Variants in MYO3B observed in about 807,000 individuals in gnomAD.
The protein encoded by MYO3B is myosin-IIIb.
Under a neutral mutation model 174.6 loss-of-function variants are expected in MYO3B, and 156 were observed. That is an observed-to-expected ratio of 0.89 (90% CI 0.78 to 1.02). The LOEUF (loss-of-function observed/expected upper bound fraction) is 1.02, where lower values mean the gene tolerates loss of function less well. Among genes scored for constraint, MYO3B ranks in the 50% least tolerant of loss-of-function variants. The pLI is 0.00. For synonymous variants in MYO3B, 563 were observed against 569.1 expected (o/e 0.99, Z 0.15); for missense variants, 1,632 against 1,639.4 (o/e 1.00, Z 0.08).
At chr2:170,329,251 G>T (rs911229303) in intron 7 of MYO3B, among the ~76,000 whole-genome samples, 8 of 148,542 alleles carry the variant, frequency 5.4e-5, no homozygotes, top group African/African-American at 2.0e-4. Context: ...GTGTGTGTGT[G>T]TGTGTGTGTA....
intron 7 of MYO3B, among the ~76,000 whole-genome samples, chr2:170,271,103 C>T (rs770441407): frequency 6.6e-6 from 1 of 152,128 alleles, no homozygotes; most frequent in Non-Finnish European, 1.5e-5. Context: ...TTGGAAGTCA[C>T]ATGCAGGTTT....
intron 32 of MYO3B, among the ~76,000 whole-genome samples, chr2:170,599,769 C>A (rs979432806): frequency 2.6e-5 from 4 of 152,030 alleles, no homozygotes; most frequent in African/African-American, 7.2e-5. Context: ...AAAAAAAGTT[C>A]TTTTTGATGT....
intron 30 of MYO3B, chr2:170,519,812 A>G (rs1308436046): frequency 6.7e-6 from 2 of 296,564 alleles, no homozygotes; most frequent in Admixed American, 4.7e-5. Context: ...GCCTCTACTA[A>G]AAATACAAAA....
chr2:170,583,134 G>C (rs1693262216), intron 32 of MYO3B, among the ~76,000 whole-genome samples: 1 of 147,028 alleles, frequency 6.8e-6, no homozygotes, highest in African/African-American at 2.5e-5. Context: ...GATTATTTGA[G>C]TGTATTTATG....
At chr2:170,330,448 T>G (rs2093903944) in intron 7 of MYO3B, among the ~76,000 whole-genome samples, 1 of 152,230 alleles carries the variant, frequency 6.6e-6, no homozygotes, top group Non-Finnish European at 1.5e-5. Context: ...TGCTGAAAGT[T>G]TTTTAGAAAA....
intron 7 of MYO3B, among the ~76,000 whole-genome samples, chr2:170,325,012 C>G (rs1404666587): frequency 7.2e-5 from 11 of 152,104 alleles, no homozygotes; most frequent in Non-Finnish European, 2.9e-5. Flanking sequence ...ATAGTGATAG[C>G]CTTTCCACTG....
intron 8 of MYO3B, chr2:170,340,262 A>G (rs1036602780): frequency 1.3e-5 from 2 of 152,130 alleles, no homozygotes; most frequent in Non-Finnish European, 1.5e-5. Context: ...GGACCTCATC[A>G]TCAGTGGTCC....
At chr2:170,508,765 C>T (rs1316432232) in intron 28 of MYO3B, among the ~76,000 whole-genome samples, 1 of 152,152 alleles carries the variant, frequency 6.6e-6, no homozygotes, top group African/African-American at 2.4e-5. Context: ...TAGAGTCAAA[C>T]AATGAATGTT....
chr2:170,232,292 G>C (rs1404578880), intron 6 of MYO3B, among the ~76,000 whole-genome samples: 1 of 152,166 alleles, frequency 6.6e-6, no homozygotes, highest in Non-Finnish European at 1.5e-5. Context: ...TCAGACTTTG[G>C]TATTGGATTG....
At chr2:170,352,772 C>A (rs536707498) in intron 8 of MYO3B, among the ~76,000 whole-genome samples, 1 of 152,294 alleles carries the variant, frequency 6.6e-6, no homozygotes, top group East Asian at 1.9e-4. Context: ...CTATTGTTTA[C>A]TCGTTTGGGA....
At chr2:170,346,194 G>A (rs1226475439) in intron 8 of MYO3B, 1 of 152,176 alleles carries the variant, frequency 6.6e-6, no homozygotes, top group African/African-American at 2.4e-5. Context: ...ATATTGTAGA[G>A]CAAGCTTGTC....
intron 7 of MYO3B, among the ~76,000 whole-genome samples, chr2:170,329,163 A>T (rs945098828): frequency 2.0e-5 from 3 of 151,810 alleles, no homozygotes; most frequent in Non-Finnish European, 4.4e-5. Flanking sequence ...AAAAAAAAAA[A>T]TACTACTACT....
chr2:170,546,679 A>T (rs867801927), intron 32 of MYO3B, among the ~76,000 whole-genome samples: 4 of 152,236 alleles, frequency 2.6e-5, no homozygotes, highest in South Asian at 2.1e-4. Flanking sequence ...CGCATATATT[A>T]TCAGTTGTAG....
At chr2:170,462,520 A>G (rs1187577785) in intron 23 of MYO3B, among the ~76,000 whole-genome samples, 1 of 152,026 alleles carries the variant, frequency 6.6e-6, no homozygotes, top group Admixed American at 6.5e-5. Context: ...AGACATCCTC[A>G]CCCCATGGGA....
chr2:170,530,961 C>G lies in MYO3B; in HGVS notation c.3575+11421C>G, dbSNP rs149321211. Among the ~76,000 whole-genome samples, 470 of 152,302 alleles carry G rather than the reference C, an allele frequency of 3.1e-3. 3 individuals carry two copies. Among genetic ancestry groups the G allele is most frequent in the Non-Finnish European group, 4.7e-3 (317 of 68,022 alleles). On this transcript the variant is annotated intron_variant, in intron 30 of 34. Transcript: ENST00000408978. ...TGGATAGATAGTGAATTTCTCTGCT[C>G]TACTGTTCCCTTAGTCCTCTCCCCC...
chr2:170,485,420 C>CACACAGAG (rs777460347), intron 25 of MYO3B, among the ~76,000 whole-genome samples: 71 of 127,908 alleles, frequency 5.6e-4, no homozygotes, highest in East Asian at 1.9e-3. Context: ...CACACACACA[C>CACACAGAG]AGAGAGAGAG....
At chr2:170,187,130 T>G (rs1172086529) in intron 1 of MYO3B, among the ~76,000 whole-genome samples, 1 of 152,112 alleles carries the variant, frequency 6.6e-6, no homozygotes, top group African/African-American at 2.4e-5. Flanking sequence ...GACTTTGGTG[T>G]TGTTTTCTTC....
At chr2:170,296,077 C>A (rs2093627074) in intron 7 of MYO3B, among the ~76,000 whole-genome samples, 1 of 152,202 alleles carries the variant, frequency 6.6e-6, no homozygotes, top group Non-Finnish European at 1.5e-5. Context: ...TTACGCTCAT[C>A]TTAGCCTTCA....
At chr2:170,229,201 T>G (rs2092987826) in intron 6 of MYO3B, among the ~76,000 whole-genome samples, 1 of 152,250 alleles carries the variant, frequency 6.6e-6, no homozygotes, top group Non-Finnish European at 1.5e-5. Flanking sequence ...TTATCAATTA[T>G]GCTGCATGAA....
Sources: allele counts gnomAD v4.1 joint callset (sites outside exome capture counted in the v4.1 genomes callset), GRCh38; gene constraint gnomAD v4.1.1; transcripts MANE v1.5; gene names NCBI Gene and HGNC (gene_info 2026-07-23, HGNC 2026-07-21).